NLK: variants seen among roughly 807,000 people sequenced by gnomAD.
NLK encodes the protein nemo like kinase, also known as serine/threonine-protein kinase NLK.
In NLK, 11 loss-of-function variants were observed where a neutral mutation model predicts 59.0. The ratio of observed to expected loss-of-function variants is 0.19; its 90% confidence interval spans 0.12 to 0.31. The LOEUF is 0.31. Ranked by LOEUF, NLK falls within the 10% of genes least tolerant of loss-of-function variation. The probability of loss-of-function intolerance (pLI) is 1.00; values close to 1 mark genes in which losing one functional copy is unlikely to be tolerated. For synonymous variants in NLK, 235 were observed against 235.9 expected, an observed-to-expected ratio of 1.00 and a Z score of 0.03; for missense variants, 410 against 661.1, an observed-to-expected ratio of 0.62 and a Z score of 4.16.
chr17:28,068,606 G>A (rs148158451), intron 1 of NLK, among the ~76,000 whole-genome samples: 84 of 152,230 alleles, frequency 5.5e-4, no homozygotes, highest in Admixed American at 4.3e-3. Flanking sequence ...TTTTTAAAAC[G>A]TATATTTATT....
chr17:28,068,569 T>C (rs1255448826), intron 1 of NLK, among the ~76,000 whole-genome samples: 1 of 152,246 alleles, frequency 6.6e-6, no homozygotes, highest in Non-Finnish European at 1.5e-5. Context: ...GCCTTGTATG[T>C]GATCACTATT....
chr17:28,151,748 G>A (rs906683112), intron 3 of NLK, among the ~76,000 whole-genome samples: 2 of 152,142 alleles, frequency 1.3e-5, no homozygotes, highest in African/African-American at 4.8e-5. Context: ...AGATATAAAA[G>A]TAGCATTATT....
intron 1 of NLK, among the ~76,000 whole-genome samples, chr17:28,051,814 T>A (rs1909266467): frequency 6.6e-6 from 1 of 152,154 alleles, no homozygotes; most frequent in Admixed American, 6.5e-5. Flanking sequence ...AATCCTGTGT[T>A]TCCTAAGATT....
intron 1 of NLK, among the ~76,000 whole-genome samples, chr17:28,062,856 C>T (rs1014481431): frequency 6.6e-6 from 1 of 152,216 alleles, no homozygotes; most frequent in African/African-American, 2.4e-5. Flanking sequence ...GTTGCGATTA[C>T]AGGCGTGAGC....
intron 1 of NLK, among the ~76,000 whole-genome samples, chr17:28,058,428 C>CT (rs1909514284): frequency 6.6e-6 from 1 of 152,172 alleles, no homozygotes; most frequent in Admixed American, 6.5e-5. Context: ...TGAAGACAAT[C>CT]TGTTTCTTTC....
intron 6 of NLK, among the ~76,000 whole-genome samples, chr17:28,170,903 T>C (rs1449358145): frequency 5.9e-5 from 9 of 152,172 alleles, no homozygotes; most frequent in African/African-American, 1.4e-4. Flanking sequence ...GTCTAATTGT[T>C]GGTGTGTGTT....
At chr17:28,047,996 G>T (rs1909120061) in intron 1 of NLK, 1 of 398,260 alleles carries the variant, frequency 2.5e-6, no homozygotes, top group African/African-American at 2.1e-5. Flanking sequence ...TGGGGGCTCT[G>T]CTTTGTGAAA....
chr17:28,090,971 T>C (rs905283782), intron 1 of NLK, among the ~76,000 whole-genome samples: 2 of 152,190 alleles, frequency 1.3e-5, no homozygotes, highest in Admixed American at 6.5e-5. Context: ...CTTCTTGGGA[T>C]TCAGTGAGTT....
intron 1 of NLK, among the ~76,000 whole-genome samples, chr17:28,074,136 G>A (rs1484811575): frequency 6.6e-6 from 1 of 152,176 alleles, no homozygotes; most frequent in East Asian, 1.9e-4. Context: ...ATTAAAATAT[G>A]ATAGAAGTGT....
chr17:28,205,955 A>G, the NLK span, among the ~76,000 whole-genome samples: 1 of 152,194 alleles, frequency 6.6e-6, no homozygotes. Context: ...GCACAGAACT[A>G]TGTGAGGTGA....
At chr17:28,087,258 A>G (rs1426895178) in intron 1 of NLK, among the ~76,000 whole-genome samples, 1 of 152,164 alleles carries the variant, frequency 6.6e-6, no homozygotes, top group African/African-American at 2.4e-5. Flanking sequence ...TAATTTTTTA[A>G]CTTTTATATA....
chr17:28,109,650 A>G (rs2142801050), intron 1 of NLK, among the ~76,000 whole-genome samples: 1 of 152,238 alleles, frequency 6.6e-6, no homozygotes, highest in South Asian at 2.1e-4. Flanking sequence ...ACTTAGCATA[A>G]TGTTTTTGAG....
chr17:28,061,781 CATATATA>C lies in NLK; in HGVS notation c.458+18458_458+18464del, dbSNP rs1227064861. Among the ~76,000 whole-genome samples, 5 of 144,126 alleles carry C rather than the reference CATATATA, an allele frequency of 3.5e-5. No individual in the cohort carries two copies. The Admixed American group carries it at 3.6e-4, about 10-fold the overall frequency. 94.6% of individuals were successfully genotyped at this position (144,126 alleles called of 152,430 possible). On this transcript the variant is annotated intron_variant, in intron 1 of 10. Coordinates refer to ENST00000407008, the MANE Select transcript of NLK (RefSeq NM_016231.5). ...ATACACATATACATATATACATATACATATATAATATATACATATATACATATACATA... is the reference window on the plus strand; with the variant it reads ...ATACACATATACATATATACATATACATATATACATATATACATATACATA...
At position 28,168,670 on chromosome 17, in the gene NLK, T is replaced by C; in HGVS notation, c.1047+13T>C. On this transcript the variant is annotated intron_variant, in intron 6 of 10. Transcript: ENST00000407008. Reference sequence around the variant, plus strand: ...TCCCATTCAGCAGGTATGATTTCAATTTAAGGCTTTAGTTGCAATTCTATT... The same window carrying C: ...TCCCATTCAGCAGGTATGATTTCAACTTAAGGCTTTAGTTGCAATTCTATT... 8 of 1,599,810 alleles carry C rather than the reference T, an allele frequency of 5.0e-6. No homozygotes were observed. Among genetic ancestry groups the C allele is most frequent in the Non-Finnish European group, 6.9e-6 (8 of 1,167,012 alleles).
intron 7 of NLK, among the ~76,000 whole-genome samples, chr17:28,179,375 A>G (rs1209517460): frequency 6.6e-6 from 1 of 152,094 alleles, no homozygotes; most frequent in Non-Finnish European, 1.5e-5. Context: ...GACTACAAGC[A>G]CATACCACCC....
chr17:28,107,258 A>AC (rs1466203528), intron 1 of NLK, among the ~76,000 whole-genome samples: 3 of 151,630 alleles, frequency 2.0e-5, no homozygotes, highest in South Asian at 2.1e-4. Flanking sequence ...ACATGATGAG[A>AC]CCCCCGTCTC....
intron 1 of NLK, among the ~76,000 whole-genome samples, chr17:28,109,388 T>C (rs1161139790): frequency 1.3e-5 from 2 of 152,192 alleles, no homozygotes; most frequent in Non-Finnish European, 2.9e-5. Context: ...TATTGAGGCA[T>C]AATTTATATA....
intron 1 of NLK, among the ~76,000 whole-genome samples, chr17:28,074,151 T>C (rs1175424895): frequency 1.3e-5 from 2 of 152,240 alleles, no homozygotes; most frequent in African/African-American, 4.8e-5. Flanking sequence ...AAGTGTTATC[T>C]TACAATCTCC....
At position 28,064,363 on chromosome 17, in the gene NLK, G is replaced by A. The variant is rs116255760; in HGVS notation, c.458+21032G>A. On this transcript the variant is annotated intron_variant, in intron 1 of 10. Transcript: ENST00000407008. ...GAGATCTCTCTGTATTGCCCAGGCTGCTCTCAGACTTCTGGCCTCAAGTGA... is the reference window on the plus strand; with the variant it reads ...GAGATCTCTCTGTATTGCCCAGGCTACTCTCAGACTTCTGGCCTCAAGTGA... 1.8e-3 allele frequency among the ~76,000 whole-genome samples: 270 copies of A among 151,912 alleles called. 1 individual carries two copies. Among genetic ancestry groups the A allele is most frequent in the African/African-American group, 6.1e-3 (253 of 41,448 alleles).
Sources: allele counts gnomAD v4.1 joint callset (sites outside exome capture counted in the v4.1 genomes callset), GRCh38; gene constraint gnomAD v4.1.1; transcripts MANE v1.5; gene names NCBI Gene and HGNC (gene_info 2026-07-23, HGNC 2026-07-21).